Variants in LMNB2 observed in about 807,000 individuals in gnomAD.
LMNB2 encodes lamin B2, also known as lamin-B2.
A neutral mutation model predicts 69.3 loss-of-function variants in LMNB2; 17 were observed. The ratio of observed to expected loss-of-function variants is 0.25; its 90% CI spans 0.17 to 0.37. The LOEUF is 0.37. Ranked by LOEUF, LMNB2 falls within the 10% of genes least tolerant of loss-of-function variation. LMNB2 has a pLI of 1.00. For synonymous variants in LMNB2, 397 were observed against 389.3 expected (o/e 1.02, Z -0.23); for missense variants, 789 against 883.6 (o/e 0.89, Z 1.36).
intron 2 of LMNB2, among the ~76,000 whole-genome samples, chr19:2,439,032 A>C (rs1412537482): frequency 6.3e-5 from 8 of 126,758 alleles, no homozygotes; most frequent in Admixed American, 8.2e-5. Flanking sequence ...GTAGGCACTT[A>C]AGCTTTTTTT....
Position 2,438,461 on chromosome 19 carries a change from G to A in LMNB2, c.472C>T (p.Arg158Trp), listed in dbSNP as rs1410022707. The stretch of plus-strand genomic sequence containing the variant: ...GCAGCTGCCAGCTCCACCTCGCTCC[G>A]GTGGAACAGGGACTCCAGGTCCTTC... ...RVKDLESLFH[R>W]SEVELAAALS... The change falls in exon 3 of 12, where the codon CGG becomes TGG. Residue 158 changes from arginine to tryptophan, a missense_variant. Physicochemically the swap from Arg to Trp is moderately radical, Grantham distance 101. Around this residue, in one of 3 missense-constraint regions of LMNB2, gnomAD observed 145 missense variants for 228.9 expected, o/e 0.63. Transcript: ENST00000325327. 7 of 1,611,992 alleles carry A rather than the reference G, an allele frequency of 4.3e-6. No individual in the cohort carries two copies. The highest frequency in any genetic ancestry group is 3.4e-6 in the Non-Finnish European group (4 of 1,179,840).
At position 2,448,854 on chromosome 19, in the gene LMNB2, A is replaced by G. The variant is rs1320314735; in HGVS notation, c.265-4314T>C. Among the ~76,000 whole-genome samples the G allele has an allele frequency of 3.3e-5, 5 of 152,262 alleles. No homozygotes were observed. The East Asian group carries it at 9.6e-4, about 29-fold the overall frequency. On this transcript the variant is annotated intron_variant, in intron 1 of 11. Coordinates refer to ENST00000325327, the MANE Select transcript of LMNB2 (RefSeq NM_032737.4). ...AGCCAGACTCCACTTCAAAAAATAA[A>G]AAGAAAAAGAATCTAATACCATATT...
rs138783138 is a variant in LMNB2, at chr19:2,450,805, T to C, written c.264+5865A>G. ...CACCACCACGCCCAGCTAATTTTTG[T>C]ATTTTTAGTAGAGACGGGGCTTCAC... On this transcript the variant is annotated intron_variant, in intron 1 of 11. Coordinates refer to ENST00000325327, the MANE Select transcript of LMNB2 (RefSeq NM_032737.4). Among the ~76,000 whole-genome samples, 157 of 151,788 alleles carry C rather than the reference T, an allele frequency of 1.0e-3. 3 individuals carry two copies. In the East Asian group the frequency reaches 0.029, roughly 28 times the overall value.
rs187287672 is a variant in LMNB2 at position 2,447,640 on chromosome 19, C to T, written c.265-3100G>A. Among the ~76,000 whole-genome samples the T allele has an allele frequency of 2.4e-3, 360 of 152,272 alleles. 10 individuals are homozygous for T. Among genetic ancestry groups the T allele is most frequent in the Admixed American group, 0.022 (336 of 15,296 alleles). ...AGGCGGAACCAGGCCCAGCACCACC[C>T]GCTAGAACGCCGTGATGTTCCCACA... On this transcript the variant is annotated intron_variant, in intron 1 of 11. Coordinates refer to ENST00000325327, the MANE Select transcript of LMNB2 (RefSeq NM_032737.4). This position sits in a 1 kb window ranked among gnomAD's most constrained non-coding sequence, Gnocchi z 4.4.
Position 2,453,698 on chromosome 19 carries a change from C to T in LMNB2, c.264+2972G>A, listed in dbSNP as rs2145475635. Among the ~76,000 whole-genome samples the T allele has an allele frequency of 6.6e-6, 1 of 152,304 alleles. No homozygotes were observed. The highest frequency in any genetic ancestry group is 6.5e-5 in the Admixed American group (1 of 15,296). ...AGTTGTAAAGGATGCTGCTGCGGCCCCGAGAGGTGGCTGGGCCAGGCTCCC... is the reference window on the plus strand; with the variant it reads ...AGTTGTAAAGGATGCTGCTGCGGCCTCGAGAGGTGGCTGGGCCAGGCTCCC... On this transcript the variant is annotated intron_variant, in intron 1 of 11. Coordinates refer to ENST00000325327, the MANE Select transcript of LMNB2 (RefSeq NM_032737.4). The surrounding 1 kb of genome is among the most constrained non-coding windows in gnomAD (Gnocchi z 4.4).
chr19:2,439,667 G>A (rs1599335735), intron 2 of LMNB2, among the ~76,000 whole-genome samples: 2 of 152,004 alleles, frequency 1.3e-5, no homozygotes, highest in African/African-American at 2.4e-5. Flanking sequence ...GCTCGAGCCC[G>A]TGGCCAGAGG....
Position 2,453,283 on chromosome 19 carries a change from A to G in LMNB2, c.264+3387T>C, listed in dbSNP as rs1231021551. Among the ~76,000 whole-genome samples, 2 of 152,040 alleles carry G rather than the reference A, an allele frequency of 1.3e-5. No homozygotes were observed. The highest frequency in any genetic ancestry group is 2.9e-5 in the Non-Finnish European group (2 of 67,978). ...AGGCCCTGCTGTCCAGGTGACCTGCATGCTCTTAGGCCTGACACCCCAGGT... is the reference window on the plus strand; with the variant it reads ...AGGCCCTGCTGTCCAGGTGACCTGCGTGCTCTTAGGCCTGACACCCCAGGT... On this transcript the variant is annotated intron_variant, in intron 1 of 11. Coordinates refer to ENST00000325327, the MANE Select transcript of LMNB2 (RefSeq NM_032737.4). This position sits in a 1 kb window ranked among gnomAD's most constrained non-coding sequence, Gnocchi z 4.4.
intron 1 of LMNB2, among the ~76,000 whole-genome samples, chr19:2,446,028 T>A (rs1378453884): frequency 1.7e-5 from 1 of 60,026 alleles, no homozygotes; most frequent in Admixed American, 1.8e-4. Context: ...CCCCCACCTT[T>A]CACCCCTCAA....
In LMNB2 at chr19:2,429,078, AG is replaced by A. The variant is rs1231284976; in HGVS notation, c.*1832del. On this transcript the variant is annotated 3_prime_UTR_variant, in exon 12 of 12. Transcript: ENST00000325327. ...TGTCGGCAAATCACAGACCAACTCC[AG>A]GATACAGCTTTGCTCCTCCAGAGCC... The A allele has an allele frequency of 1.3e-5, 2 of 152,244 alleles. No individual in the cohort carries two copies. The highest frequency in any genetic ancestry group is 2.9e-5 in the Non-Finnish European group (2 of 68,058). The allele number at this position is 152,244 out of a possible 1,614,324, so 9.4% of individuals were successfully genotyped here. A position where few individuals can be genotyped will look rare whatever the true frequency, so the allele number is the denominator to read the frequency against.
intron 2 of LMNB2, among the ~76,000 whole-genome samples, chr19:2,440,875 C>T (rs1439503389): frequency 6.6e-6 from 1 of 152,248 alleles, no homozygotes; most frequent in African/African-American, 2.4e-5. Flanking sequence ...CTCTCACTAG[C>T]TGCCAAGCTC....
chr19:2,443,627 T>C lies in LMNB2; in HGVS notation c.401+777A>G, dbSNP rs920575212. On this transcript the variant is annotated intron_variant, in intron 2 of 11. Coordinates refer to ENST00000325327, the MANE Select transcript of LMNB2 (RefSeq NM_032737.4). This position sits in a 1 kb window ranked among gnomAD's most constrained non-coding sequence, Gnocchi z 6.2. ...TCCGAGGCACCTGCAGGTGCCTGAA[T>C]GCCGGTGGCCGGAGACCACGGAAGA... Among the ~76,000 whole-genome samples, 59 of 152,126 alleles carry C rather than the reference T, an allele frequency of 3.9e-4. No homozygotes were observed. Among genetic ancestry groups the C allele is most frequent in the African/African-American group, 1.4e-3 (57 of 41,416 alleles).
intron 2 of LMNB2, among the ~76,000 whole-genome samples, chr19:2,440,497 T>C (rs1447172537): frequency 1.3e-5 from 2 of 152,320 alleles, no homozygotes; most frequent in African/African-American, 2.4e-5. Flanking sequence ...GCCTTACAGA[T>C]AGCTATATCT....
intron 1 of LMNB2, among the ~76,000 whole-genome samples, chr19:2,455,849 C>T (rs1490862252): frequency 6.6e-6 from 1 of 151,880 alleles, no homozygotes; most frequent in Non-Finnish European, 1.5e-5. Flanking sequence ...CTGACCCCAC[C>T]CCTGCTCAGG....
chr19:2,441,967 G>A (rs983710164), intron 2 of LMNB2, among the ~76,000 whole-genome samples: 7 of 152,344 alleles, frequency 4.6e-5, no homozygotes, highest in South Asian at 2.1e-4. Context: ...ACAGGGTTCC[G>A]CAGGACTGCA....
At chr19:2,438,959 T>C (rs1187850990) in intron 2 of LMNB2, among the ~76,000 whole-genome samples, 1 of 151,188 alleles carries the variant, frequency 6.6e-6, no homozygotes. Flanking sequence ...AGCTCCAACA[T>C]TAGATATTTA....
At chr19:2,434,963 C>T in intron 5 of LMNB2, 38 bp downstream of exon 5, 1 of 1,588,352 alleles carries the variant, frequency 6.3e-7, no homozygotes, top group Non-Finnish European at 8.5e-7. Flanking sequence ...GGCGGGGTTC[C>T]CACCGGCCGC....
chr19:2,433,684 C>T, intron 8 of LMNB2, 142 bp downstream of exon 8: 2 of 934,792 alleles, frequency 2.1e-6, no homozygotes, highest in Non-Finnish European at 3.3e-6. Flanking sequence ...TCAGCTGGGT[C>T]ACCCCGTTAC....
In LMNB2 at chr19:2,453,690, C is replaced by T. The variant is rs772362291; in HGVS notation, c.264+2980G>A. ...GTGAACTGAGTTGTAAAGGATGCTG[C>T]TGCGGCCCCGAGAGGTGGCTGGGCC... is the stretch of plus-strand genomic sequence containing the variant. On this transcript the variant is annotated intron_variant, in intron 1 of 11. Transcript: ENST00000325327. The surrounding 1 kb of genome is among the most constrained non-coding windows in gnomAD (Gnocchi z 4.4). Among the ~76,000 whole-genome samples the T allele has an allele frequency of 3.9e-5, 6 of 152,200 alleles. No individual in the cohort carries two copies. Among genetic ancestry groups the T allele is most frequent in the Non-Finnish European group, 7.3e-5 (5 of 68,028 alleles).
At chr19:2,441,224 C>G (rs902258360) in intron 2 of LMNB2, among the ~76,000 whole-genome samples, 1 of 152,252 alleles carries the variant, frequency 6.6e-6, no homozygotes, top group Non-Finnish European at 1.5e-5. Flanking sequence ...AGCATCCGTG[C>G]CGGGTACCCT....
Sources: gnomAD v4.1 joint callset for allele counts (sites outside exome capture counted in the v4.1 genomes callset) on GRCh38, gnomAD v4.1.1 for gene constraint, gnomAD v4.1.1 regional missense constraint, Gnocchi (gnomAD v3.1) non-coding constraint, MANE v1.5 for transcripts, NCBI Gene and HGNC (gene_info 2026-07-23, HGNC 2026-07-21) for gene names.